The following DNAH11 variants were observed in gnomAD, a reference collection of about 807,000 sequenced individuals.
The protein encoded by DNAH11 is dynein axonemal heavy chain 11.
A neutral mutation model predicts 526.0 loss-of-function variants in DNAH11; 442 were observed. The ratio of observed to expected loss-of-function variants is 0.84; its 90% CI spans 0.78 to 0.91. The LOEUF is 0.91. Ranked by LOEUF, DNAH11 falls within the 40% of genes least tolerant of loss-of-function variation. DNAH11 has a pLI of 0.00. For synonymous variants in DNAH11, 2,461 were observed against 1,935.9 expected (o/e 1.27, Z -7.12); for missense variants, 6,989 against 5,448.7 (o/e 1.28, Z -8.90).
chr7:21,725,234 T>C (rs1277876016), intron 44 of DNAH11, among the ~76,000 whole-genome samples: 1 of 152,184 alleles, frequency 6.6e-6, no homozygotes, highest in Non-Finnish European at 1.5e-5. Context: ...GCCCATGCGT[T>C]TATCCATTCC....
intron 14 of DNAH11, among the ~76,000 whole-genome samples, chr7:21,599,291 G>C (rs1784982178): frequency 1.3e-5 from 2 of 152,162 alleles, no homozygotes; most frequent in Non-Finnish European, 2.9e-5. Context: ...GACTTTAATA[G>C]AATAGGTACA....
intron 65 of DNAH11, among the ~76,000 whole-genome samples, chr7:21,829,112 T>G (rs974392644): frequency 6.6e-6 from 1 of 152,184 alleles, no homozygotes; most frequent in African/African-American, 2.4e-5. Context: ...CACTCTTGAC[T>G]GTAGCTGTTG....
intron 8 of DNAH11, among the ~76,000 whole-genome samples, chr7:21,577,215 C>T (rs1784130086): frequency 6.6e-6 from 1 of 152,188 alleles, no homozygotes; most frequent in Admixed American, 6.5e-5. Context: ...AAGGAGAGAG[C>T]TTAACACAAA....
At chr7:21,839,820 GT>G (rs147345111) in intron 65 of DNAH11, among the ~76,000 whole-genome samples, 2,443 of 152,214 alleles carry the variant, frequency 0.016, 66 homozygotes, top group African/African-American at 0.055. Context: ...AACTCTGAAG[GT>G]TTCTGTTGTC....
intron 44 of DNAH11, 151 bp from the exon 45 acceptor site, chr7:21,725,660 T>A: frequency 1.4e-6 from 1 of 703,262 alleles, no homozygotes. Flanking sequence ...ACCTTGCTTT[T>A]TAAGTTAATT....
chr7:21,895,044 G>C (rs1179324328), intron 79 of DNAH11, 45 bp downstream of exon 79: 4 of 1,509,886 alleles, frequency 2.6e-6, no homozygotes, highest in Non-Finnish European at 3.7e-6. Flanking sequence ...AGCAGCCTCG[G>C]TGCTGGGTTA....
At chr7:21,821,818 T>G (rs1288386916) in intron 65 of DNAH11, among the ~76,000 whole-genome samples, 2 of 152,128 alleles carry the variant, frequency 1.3e-5, no homozygotes, top group South Asian at 4.1e-4. Context: ...CTAACTGTAT[T>G]TTTGTACCCA....
At chr7:21,744,703 T>G in intron 50 of DNAH11, 104 bp downstream of exon 50, 1 of 1,484,738 alleles carries the variant, frequency 6.7e-7, no homozygotes, top group African/African-American at 1.4e-5. Flanking sequence ...GGCTTACCTT[T>G]TTGCAATGGC....
At chr7:21,705,566 C>T (rs781781570) in intron 39 of DNAH11, 29 bp downstream of exon 39, 4 of 1,600,652 alleles carry the variant, frequency 2.5e-6, no homozygotes, top group East Asian at 2.2e-5. Flanking sequence ...TAGCTTACAG[C>T]TATGGAAAGA....
At chr7:21,766,114 C>T (rs1787176167) in intron 55 of DNAH11, among the ~76,000 whole-genome samples, 1 of 152,104 alleles carries the variant, frequency 6.6e-6, no homozygotes, top group Admixed American at 6.5e-5. Context: ...TACTGTTTTA[C>T]AGATTTATGT....
intron 39 of DNAH11, among the ~76,000 whole-genome samples, chr7:21,706,034 A>C (rs751643316): frequency 6.6e-6 from 1 of 152,162 alleles, no homozygotes; most frequent in Non-Finnish European, 1.5e-5. Flanking sequence ...AAACAAACCG[A>C]AATATTTTCC....
chr7:21,801,621 C>G (rs1258598758), intron 62 of DNAH11, among the ~76,000 whole-genome samples: 1 of 152,092 alleles, frequency 6.6e-6, no homozygotes, highest in Non-Finnish European at 1.5e-5. Context: ...TTCTCTCTTC[C>G]TTTCTTTCTT....
intron 65 of DNAH11, among the ~76,000 whole-genome samples, chr7:21,824,604 AT>A (rs774963629): frequency 1.3e-5 from 2 of 152,222 alleles, no homozygotes; most frequent in Non-Finnish European, 2.9e-5. Context: ...GCACATGAAA[AT>A]ATGCTCAACA....
chr7:21,789,209 C>G (rs181047713), intron 60 of DNAH11, 32 bp from the exon 61 acceptor site: 594 of 1,446,670 alleles, frequency 4.1e-4, no homozygotes, highest in Non-Finnish European at 4.9e-4. Context: ...TACTTATCCT[C>G]TTTGTATCTG....
At chr7:21,814,367 TA>T (rs1369034204) in intron 63 of DNAH11, among the ~76,000 whole-genome samples, 2 of 151,548 alleles carry the variant, frequency 1.3e-5, no homozygotes, top group Non-Finnish European at 1.5e-5. Context: ...TTTATTTTTT[TA>T]TTTTTATTTT....
intron 43 of DNAH11, among the ~76,000 whole-genome samples, chr7:21,719,998 T>G (rs1784814251): frequency 6.6e-6 from 1 of 152,248 alleles, no homozygotes. Flanking sequence ...CCCTCATTGC[T>G]GGCGCAACTG....
At chr7:21,861,007 C>G (rs1783043953) in intron 68 of DNAH11, among the ~76,000 whole-genome samples, 1 of 152,114 alleles carries the variant, frequency 6.6e-6, no homozygotes, top group African/African-American at 2.4e-5. Context: ...CCACCAGGTG[C>G]CTCCCACAAC....
chr7:21,809,873 A>G (rs571508347), intron 63 of DNAH11, among the ~76,000 whole-genome samples: 1 of 152,194 alleles, frequency 6.6e-6, no homozygotes, highest in South Asian at 2.1e-4. Context: ...GCCTGATTTG[A>G]TTTTTGCATA....
At chr7:21,885,184 A>AAAC (rs1387943992) in intron 76 of DNAH11, among the ~76,000 whole-genome samples, 4 of 147,430 alleles carry the variant, frequency 2.7e-5, no homozygotes, top group Non-Finnish European at 6.0e-5. Flanking sequence ...AAAAAAAAAA[A>AAAC]AAAACACACA....
Sources: gnomAD v4.1 joint callset for allele counts (sites outside exome capture counted in the v4.1 genomes callset) on GRCh38, gnomAD v4.1.1 for gene constraint, MANE v1.5 for transcripts, NCBI Gene and HGNC (gene_info 2026-07-23, HGNC 2026-07-21) for gene names.